MSRA: variants seen among roughly 807,000 people sequenced by gnomAD.
The protein encoded by MSRA is methionine sulfoxide reductase A, also known as mitochondrial peptide methionine sulfoxide reductase.
In MSRA, 54 loss-of-function variants were observed where a neutral mutation model predicts 31.3. That is an observed-to-expected ratio of 1.73 (90% CI 1.39 to 2.17). The LOEUF (loss-of-function observed/expected upper bound fraction) is 2.17. MSRA is among the 30% of genes most tolerant of loss of function. The probability of loss-of-function intolerance (pLI) is 0.00; values close to 1 mark genes in which losing one functional copy is unlikely to be tolerated. For missense variants in MSRA, 507 were observed against 300.9 expected (o/e 1.69, Z -5.07); for synonymous variants, 169 against 116.5 (o/e 1.45, Z -2.90).
intron 1 of MSRA, among the ~76,000 whole-genome samples, chr8:10,126,623 G>A (rs1392389924): frequency 2.0e-5 from 3 of 151,974 alleles, no homozygotes; most frequent in East Asian, 1.9e-4. Flanking sequence ...AGCAATTCTC[G>A]TGCCTCAGCC....
chr8:10,328,110 T>C (rs1193169737), intron 5 of MSRA, among the ~76,000 whole-genome samples: 2 of 131,368 alleles, frequency 1.5e-5, no homozygotes, highest in South Asian at 2.6e-4. Flanking sequence ...AGAACTACCC[T>C]CTGGACTCCA....
intron 1 of MSRA, among the ~76,000 whole-genome samples, chr8:10,138,204 G>A (rs534053781): frequency 5.8e-4 from 88 of 152,274 alleles, no homozygotes; most frequent in African/African-American, 2.0e-3. Context: ...TACAGATAGA[G>A]GTGAAAGATT....
At chr8:10,375,028 C>T (rs1422809358) in intron 5 of MSRA, among the ~76,000 whole-genome samples, 1 of 152,222 alleles carries the variant, frequency 6.6e-6, no homozygotes, top group Non-Finnish European at 1.5e-5. Flanking sequence ...CCTGAGGCAT[C>T]ACCAGAAGCC....
intron 2 of MSRA, among the ~76,000 whole-genome samples, chr8:10,225,806 G>C (rs1810950277): frequency 6.6e-6 from 1 of 152,182 alleles, no homozygotes; most frequent in South Asian, 2.1e-4. Flanking sequence ...CTAGGTGAAG[G>C]GAACTAGTGT....
At chr8:10,284,314 G>C (rs1024932830) in intron 3 of MSRA, among the ~76,000 whole-genome samples, 1 of 151,790 alleles carries the variant, frequency 6.6e-6, no homozygotes, top group Non-Finnish European at 1.5e-5. Context: ...TCAGCCTCCC[G>C]AATAGCTGGG....
intron 5 of MSRA, among the ~76,000 whole-genome samples, chr8:10,341,160 G>T (rs970547840): frequency 1.3e-5 from 2 of 152,158 alleles, no homozygotes; most frequent in African/African-American, 4.8e-5. Context: ...TTCTCGCGTT[G>T]CCATAAATAC....
chr8:10,374,581 C>T (rs1473858258), intron 5 of MSRA, among the ~76,000 whole-genome samples: 1 of 152,158 alleles, frequency 6.6e-6, no homozygotes, highest in South Asian at 2.1e-4. Context: ...ACAATGTAGG[C>T]CTTCCCTGTG....
chr8:10,311,369 C>A (rs1039301206), intron 4 of MSRA, among the ~76,000 whole-genome samples: 1 of 152,018 alleles, frequency 6.6e-6, no homozygotes, highest in African/African-American at 2.4e-5. Flanking sequence ...CTTGTTAATC[C>A]CAGAAAATGC....
intron 2 of MSRA, among the ~76,000 whole-genome samples, chr8:10,227,955 G>T (rs1317946208): frequency 6.6e-6 from 1 of 152,022 alleles, no homozygotes; most frequent in Non-Finnish European, 1.5e-5. Flanking sequence ...TACATTTTTT[G>T]CCACGTATTC....
chr8:10,183,772 C>CTGGTGGTGG (rs144951163), intron 1 of MSRA, among the ~76,000 whole-genome samples: 17 of 142,002 alleles, frequency 1.2e-4, no homozygotes, highest in African/African-American at 4.0e-4. Flanking sequence ...ACAAGCTGAG[C>CTGGTGGTGG]TGGTGGTGGT....
intron 5 of MSRA, among the ~76,000 whole-genome samples, chr8:10,365,143 A>G (rs1805084375): frequency 3.2e-5 from 3 of 95,128 alleles, no homozygotes. Context: ...TGAAGCAACC[A>G]AAAAAAAAAA....
intron 1 of MSRA, among the ~76,000 whole-genome samples, chr8:10,136,722 C>T (rs1266740827): frequency 6.6e-6 from 1 of 152,196 alleles, no homozygotes; most frequent in Non-Finnish European, 1.5e-5. Flanking sequence ...AAGGCAGGAG[C>T]CCACTCGGGG....
At chr8:10,395,338 G>A (rs1192370855) in intron 5 of MSRA, among the ~76,000 whole-genome samples, 2 of 152,168 alleles carry the variant, frequency 1.3e-5, no homozygotes, top group Non-Finnish European at 2.9e-5. Context: ...ACCTAAATAC[G>A]TATGAGTCTG....
At chr8:10,420,390 A>G (rs1219015501) in intron 5 of MSRA, among the ~76,000 whole-genome samples, 1 of 152,072 alleles carries the variant, frequency 6.6e-6, no homozygotes, top group East Asian at 1.9e-4. Flanking sequence ...CTTCTCATCT[A>G]AAAATATGGG....
At chr8:10,299,002 C>T (rs1800694012) in intron 3 of MSRA, among the ~76,000 whole-genome samples, 1 of 152,098 alleles carries the variant, frequency 6.6e-6, no homozygotes, top group Non-Finnish European at 1.5e-5. Flanking sequence ...AGTGATTTTA[C>T]CCTGTCACTA....
intron 1 of MSRA, chr8:10,095,612 G>C (rs764292186): frequency 5.0e-5 from 49 of 987,876 alleles, no homozygotes; most frequent in Middle Eastern, 5.1e-4. Flanking sequence ...AAGAAAAAAA[G>C]GCAAGACTTG....
intron 1 of MSRA, among the ~76,000 whole-genome samples, chr8:10,141,987 T>C (rs913134879): frequency 6.6e-6 from 1 of 152,162 alleles, no homozygotes; most frequent in Admixed American, 6.5e-5. Flanking sequence ...AGATGGAGTT[T>C]CGCACTTGTT....
intron 1 of MSRA, among the ~76,000 whole-genome samples, chr8:10,179,652 T>C (rs1399531345): frequency 2.6e-5 from 4 of 152,206 alleles, no homozygotes; most frequent in Non-Finnish European, 5.9e-5. Context: ...GGCATATTAA[T>C]TGGGAGCATG....
chr8:10,118,886 T>A (rs1036588368), intron 1 of MSRA, among the ~76,000 whole-genome samples: 4 of 152,162 alleles, frequency 2.6e-5, no homozygotes, highest in African/African-American at 9.7e-5. Flanking sequence ...AAGAGGACAT[T>A]GGGAAGGCAT....
Sources: gnomAD v4.1 joint callset for allele counts (sites outside exome capture counted in the v4.1 genomes callset) on GRCh38, gnomAD v4.1.1 for gene constraint, MANE v1.5 for transcripts, NCBI Gene and HGNC (gene_info 2026-07-23, HGNC 2026-07-21) for gene names.